MRTFB: variants seen among roughly 807,000 people sequenced by gnomAD.
MRTFB encodes the protein myocardin-related transcription factor B.
Under a neutral mutation model 104.2 loss-of-function variants are expected in MRTFB, and 29 were observed. The observed-to-expected ratio is 0.28, with a 90% confidence interval of 0.21 to 0.38. The LOEUF (loss-of-function observed/expected upper bound fraction) is 0.38, where lower values mean the gene tolerates loss of function less well. Ranked by LOEUF, MRTFB falls within the 10% of genes least tolerant of loss-of-function variation. The pLI is 1.00. For synonymous variants in MRTFB, 535 were observed against 519.5 expected (o/e 1.03, Z -0.41); for missense variants, 1,270 against 1,341.6 (o/e 0.95, Z 0.83).
intron 15 of MRTFB, 107 bp downstream of exon 15, chr16:14,252,609 T>A: frequency 2.3e-6 from 3 of 1,297,776 alleles, no homozygotes; most frequent in Non-Finnish European, 3.1e-6. Flanking sequence ...CTTGCCTCAA[T>A]AGAAATACAA....
intron 2 of MRTFB, among the ~76,000 whole-genome samples, chr16:14,140,064 T>C (rs1301795939): frequency 6.6e-6 from 1 of 152,230 alleles, no homozygotes; most frequent in African/African-American, 2.4e-5. Flanking sequence ...GTGGGTTAGC[T>C]GAAAGTTCTG....
chr16:14,058,114 T>C, the MRTFB span, among the ~76,000 whole-genome samples: 178 of 152,284 alleles, frequency 1.2e-3, no homozygotes, highest in East Asian at 0.025. Flanking sequence ...GGAATGGGCT[T>C]GGCAGGCACC....
chr16:14,202,123 A>G (rs1204010618), intron 3 of MRTFB, among the ~76,000 whole-genome samples: 1 of 149,958 alleles, frequency 6.7e-6, no homozygotes, highest in African/African-American at 2.5e-5. Context: ...ACAAGGCAAA[A>G]AAAAAAAAAA....
At chr16:14,110,634 G>A (rs1209990955) in intron 2 of MRTFB, among the ~76,000 whole-genome samples, 1 of 152,096 alleles carries the variant, frequency 6.6e-6, no homozygotes, top group East Asian at 1.9e-4. Context: ...CCCTCTCCTG[G>A]AATTTCGGCT....
Position 14,182,247 on chromosome 16 carries a change from G to A in MRTFB, c.155-27996G>A, listed in dbSNP as rs377664273. On this transcript the variant is annotated intron_variant, in intron 3 of 16. Coordinates refer to ENST00000571589, the MANE Select transcript of MRTFB (RefSeq NM_001308142.2). The stretch of plus-strand genomic sequence containing the variant: ...AGCTAGGCAGCTGCCCCGTGGGAGA[G>A]GGGGAGGCAGGCCAGTGTAGAGTGA... Among the ~76,000 whole-genome samples the A allele has an allele frequency of 3.3e-4, 50 of 152,300 alleles. No homozygotes were observed. In the East Asian group the frequency reaches 4.2e-3, roughly 13 times the overall value.
At chr16:14,187,342 C>T in intron 3 of MRTFB, among the ~76,000 whole-genome samples, 1 of 152,050 alleles carries the variant, frequency 6.6e-6, no homozygotes, top group Non-Finnish European at 1.5e-5. Context: ...TTTTTCTCTT[C>T]CCTCTGTCTT....
At chr16:14,260,199 G>C (rs1343688591) in intron 16 of MRTFB, among the ~76,000 whole-genome samples, 2 of 152,070 alleles carry the variant, frequency 1.3e-5, no homozygotes, top group Non-Finnish European at 1.5e-5. Context: ...AAGTGAAAGA[G>C]ATAACCAAGT....
the MRTFB span, among the ~76,000 whole-genome samples, chr16:14,034,572 C>A: frequency 6.7e-6 from 1 of 149,806 alleles, no homozygotes; most frequent in Non-Finnish European, 1.5e-5. Flanking sequence ...GGAGATCGTG[C>A]CATTGCACTC....
the MRTFB span, among the ~76,000 whole-genome samples, chr16:14,041,638 T>C: frequency 6.6e-6 from 1 of 152,290 alleles, no homozygotes; most frequent in Middle Eastern, 3.4e-3. Context: ...ATATAAATTT[T>C]AGTTTTTGCC....
In MRTFB at chr16:14,266,227, T is replaced by C. The variant is rs933931147; in HGVS notation, c.*4783T>C. On this transcript the variant is annotated 3_prime_UTR_variant, in exon 17 of 17. Coordinates refer to ENST00000571589, the MANE Select transcript of MRTFB (RefSeq NM_001308142.2). Reference sequence around the variant, plus strand: ...CACTAAGATGTAGATATTTCTCTTATTGTTTTCATGTAAAATAGTATAGAG... The same window carrying C: ...CACTAAGATGTAGATATTTCTCTTACTGTTTTCATGTAAAATAGTATAGAG... 6.6e-6 allele frequency: 1 copy of C among 152,376 alleles called. No homozygotes were observed. Among genetic ancestry groups the C allele is most frequent in the East Asian group, 1.9e-4 (1 of 5,194 alleles). 9.4% of individuals were successfully genotyped at this position (152,376 alleles called of 1,614,324 possible). A position where few individuals can be genotyped will look rare whatever the true frequency, so the allele number is the denominator to read the frequency against.
the MRTFB span, among the ~76,000 whole-genome samples, chr16:14,042,204 C>T: frequency 6.6e-6 from 1 of 152,040 alleles, no homozygotes; most frequent in African/African-American, 2.4e-5. Context: ...CAGCTCACTG[C>T]AACTTTAGCC....
At chr16:14,194,882 T>A (rs1361661304) in intron 3 of MRTFB, among the ~76,000 whole-genome samples, 1 of 152,132 alleles carries the variant, frequency 6.6e-6, no homozygotes, top group Non-Finnish European at 1.5e-5. Flanking sequence ...GCCGTAAAGC[T>A]CCCAGGATGG....
chr16:14,026,268 T>A, the MRTFB span, among the ~76,000 whole-genome samples: 19 of 152,184 alleles, frequency 1.2e-4, no homozygotes, highest in African/African-American at 4.3e-4. Context: ...GACACACAGA[T>A]CAATGGAACA....
Position 14,177,738 on chromosome 16 carries a change from G to T in MRTFB, c.155-32505G>T, listed in dbSNP as rs1319545611. Among the ~76,000 whole-genome samples the T allele has an allele frequency of 3.9e-5, 6 of 152,218 alleles. No individual in the cohort carries two copies. The East Asian group carries it at 1.2e-3, about 29-fold the overall frequency. On this transcript the variant is annotated intron_variant, in intron 3 of 16. Transcript: ENST00000571589. The surrounding 1 kb of genome is among the most constrained non-coding windows in gnomAD (Gnocchi z 4.7). Reference sequence around the variant, plus strand: ...CTGGGGAGGCTGAAGAGGGAAGATTGCTTCAGCCCAGGAGGTCGAGGCTGC... The same window carrying T: ...CTGGGGAGGCTGAAGAGGGAAGATTTCTTCAGCCCAGGAGGTCGAGGCTGC...
the MRTFB span, among the ~76,000 whole-genome samples, chr16:14,063,384 G>C: frequency 1.3e-5 from 2 of 152,072 alleles, no homozygotes; most frequent in Non-Finnish European, 2.9e-5. Flanking sequence ...AGTTTCAGGG[G>C]CACATGTGCA....
At chr16:14,193,794 A>C (rs1316465581) in intron 3 of MRTFB, 2 of 152,208 alleles carry the variant, frequency 1.3e-5, no homozygotes, top group South Asian at 2.1e-4. Flanking sequence ...AGGCACATCA[A>C]AATTACCATT....
chr16:14,058,824 T>C, the MRTFB span, among the ~76,000 whole-genome samples: 5 of 148,768 alleles, frequency 3.4e-5, no homozygotes, highest in African/African-American at 1.2e-4. Context: ...ATTCAAGAGA[T>C]TCTCGTGCCT....
chr16:14,101,924 A>G (rs1049331141), intron 2 of MRTFB, among the ~76,000 whole-genome samples: 13 of 152,314 alleles, frequency 8.5e-5, no homozygotes, highest in Non-Finnish European at 1.2e-4. Flanking sequence ...TGTCCCTATT[A>G]GAAAGTTTGA....
the MRTFB span, among the ~76,000 whole-genome samples, chr16:14,066,058 G>C: frequency 6.6e-6 from 1 of 152,040 alleles, no homozygotes; most frequent in African/African-American, 2.4e-5. Flanking sequence ...TGAAAGCATG[G>C]ACTATACCTG....
Sources: allele counts gnomAD v4.1 joint callset (sites outside exome capture counted in the v4.1 genomes callset), GRCh38; gene constraint gnomAD v4.1.1; non-coding constraint Gnocchi (gnomAD v3.1); transcripts MANE v1.5; gene names NCBI Gene and HGNC (gene_info 2026-07-23, HGNC 2026-07-21).